SLC18A1: variants seen among roughly 807,000 people sequenced by gnomAD.
SLC18A1 encodes the protein chromaffin granule amine transporter.
In SLC18A1, 69 loss-of-function variants were observed where a neutral mutation model predicts 53.7. The ratio of observed to expected loss-of-function variants is 1.28; its 90% confidence interval spans 1.06 to 1.57. The LOEUF is 1.57. SLC18A1 is among the 40% of genes most tolerant of loss of function. The pLI is 0.00. For synonymous variants in SLC18A1, 320 were observed against 248.1 expected (o/e 1.29, Z -2.72); for missense variants, 932 against 668.1 (o/e 1.40, Z -4.35).
intron 5 of SLC18A1, among the ~76,000 whole-genome samples, chr8:20,173,640 A>G (rs763848664): frequency 1.3e-5 from 2 of 152,238 alleles, no homozygotes; most frequent in Non-Finnish European, 2.9e-5. Flanking sequence ...ATAAGATTGC[A>G]TTAGATATTA....
At position 20,144,991 on chromosome 8, in the gene SLC18A1, A is replaced by T. The variant is rs1014674926; in HGVS notation, c.*772T>A. ...TTCCCATGAAATCTTGGGTCTAATC[A>T]GTTATTTTTTCTGTCTTTCTTCTAC... is the stretch of plus-strand genomic sequence containing the variant. On this transcript the variant is annotated 3_prime_UTR_variant, in exon 16 of 16. Transcript: ENST00000276373. The T allele has an allele frequency of 6.6e-6, 1 of 152,130 alleles. No homozygotes were observed. Among genetic ancestry groups the T allele is most frequent in the Non-Finnish European group, 1.5e-5 (1 of 68,032 alleles). 9.4% of individuals were successfully genotyped at this position (152,130 alleles called of 1,614,324 possible).
intron 8 of SLC18A1, among the ~76,000 whole-genome samples, chr8:20,166,612 C>T (rs1006744176): frequency 6.6e-6 from 1 of 151,504 alleles, no homozygotes; most frequent in South Asian, 2.1e-4. Flanking sequence ...GGGATTGACA[C>T]TTTCTGAGTA....
At chr8:20,171,686 G>GTA (rs2072121703) in intron 6 of SLC18A1, among the ~76,000 whole-genome samples, 192 bp from the exon 7 acceptor site, 1 of 144,154 alleles carries the variant, frequency 6.9e-6, no homozygotes, top group African/African-American at 2.6e-5. Context: ...GAGGAAGTGT[G>GTA]TGTGTGTGTG....
In SLC18A1 at chr8:20,150,669, C is replaced by T. The variant is rs749196158; in HGVS notation, c.1091G>A (p.Gly364Asp). The change falls in exon 11 of 16, where the codon GGT (glycine) becomes GAT (aspartate). Residue 364 changes from glycine to aspartate, a missense_variant. Transcript: ENST00000276373. The part of the protein sequence containing the change: ...NLFGVLANKM[G>D]RWLCSLIGML... ...CCCAGATCCCGAGGCTACATACCGACCCATCTTGTTGGCCAACACACCAAA... is the reference window on the plus strand; with the variant it reads ...CCCAGATCCCGAGGCTACATACCGATCCATCTTGTTGGCCAACACACCAAA... The T allele has an allele frequency of 1.2e-6, 2 of 1,613,974 alleles. No homozygotes were observed. Among genetic ancestry groups the T allele is most frequent in the East Asian group, 2.2e-5 (1 of 44,878 alleles).
intron 10 of SLC18A1, among the ~76,000 whole-genome samples, chr8:20,162,516 G>A (rs1203765865): frequency 1.3e-5 from 2 of 152,118 alleles, no homozygotes; most frequent in African/African-American, 4.8e-5. Context: ...AGTTAAAACA[G>A]CCACAAAGCA....
At chr8:20,155,766 C>T (rs1198176949) in intron 10 of SLC18A1, among the ~76,000 whole-genome samples, 9 of 151,856 alleles carry the variant, frequency 5.9e-5, no homozygotes, top group Admixed American at 1.3e-4. Flanking sequence ...GTTGTATCTC[C>T]AAAGGGGATC....
At chr8:20,147,200 G>C in intron 15 of SLC18A1, 58 bp downstream of exon 15, 1 of 1,546,270 alleles carries the variant, frequency 6.5e-7, no homozygotes, top group Non-Finnish European at 8.7e-7. Context: ...AAGGGAATGA[G>C]AGAGATGATG....
intron 13 of SLC18A1, 40 bp downstream of exon 13, chr8:20,147,967 C>G (rs1345750332): frequency 1.2e-6 from 2 of 1,603,712 alleles, no homozygotes; most frequent in Non-Finnish European, 1.7e-6. Flanking sequence ...CCAAAGCCAA[C>G]ATGCAGGGGC....
At chr8:20,151,439 A>G (rs1012596262) in intron 10 of SLC18A1, among the ~76,000 whole-genome samples, 2 of 152,146 alleles carry the variant, frequency 1.3e-5, no homozygotes, top group African/African-American at 4.8e-5. Context: ...ATACCCATAC[A>G]TAATTCCTGG....
Position 20,156,918 on chromosome 8 carries a change from A to T in SLC18A1, c.1016-6174T>A, listed in dbSNP as rs116920817. Among the ~76,000 whole-genome samples the T allele has an allele frequency of 9.5e-4, 145 of 152,342 alleles. 4 individuals carry two copies. The East Asian group carries it at 0.027, about 28-fold the overall frequency. ...ATGGGGCAACTGGGTTGCGCAGCCC[A>T]GCTCAAGAACTCACCCCTGATCGCA... On this transcript the variant is annotated intron_variant, in intron 10 of 15. Transcript: ENST00000276373.
At chr8:20,179,785 G>A (rs1304721475) in intron 2 of SLC18A1, among the ~76,000 whole-genome samples, 2 of 152,164 alleles carry the variant, frequency 1.3e-5, no homozygotes, top group African/African-American at 4.8e-5. Context: ...AGTCCTCATT[G>A]TTCATGGTTT....
In SLC18A1 at chr8:20,173,115, C is replaced by T; in HGVS notation, c.645G>A (p.Leu215=). Residue 215 remains leucine (L), a synonymous_variant, in exon 6 of 16, where the codon CTG becomes CTA. Coordinates refer to ENST00000276373, the MANE Select transcript of SLC18A1 (RefSeq NM_003053.4). The part of the protein sequence containing the change: ...SFSSVAGLGM[L]ASVYTDDHER... ...CATGGTCATCAGTGTAGACACTGGC[C>T]AGCATTCCAAGACCTGCGCAGAGAG... 2 of 1,574,020 alleles carry T rather than the reference C, an allele frequency of 1.3e-6. No homozygotes were observed. The highest frequency in any genetic ancestry group is 1.2e-5 in the South Asian group (1 of 85,732).
At position 20,172,116 on chromosome 8, in the gene SLC18A1, G is replaced by A. The variant is rs139629935; in HGVS notation, c.725-622C>T. Among the ~76,000 whole-genome samples the A allele has an allele frequency of 5.0e-3, 769 of 152,314 alleles. 9 individuals carry two copies. The highest frequency in any genetic ancestry group is 0.018 in the African/African-American group (745 of 41,564). On this transcript the variant is annotated intron_variant, in intron 6 of 15. Transcript: ENST00000276373. ...AAGATTGTTCAGGCAGCATCGTGGT[G>A]GAAGGAGGGAGTACACAAGAGGGAG...
intron 8 of SLC18A1, among the ~76,000 whole-genome samples, chr8:20,166,287 G>GTATATA (rs1235212014): frequency 1.3e-5 from 1 of 78,996 alleles, no homozygotes; most frequent in Admixed American, 1.3e-4. Context: ...GTGTGTGTGT[G>GTATATA]TCTATATATA....
chr8:20,153,235 A>G (rs2071603422), intron 10 of SLC18A1, among the ~76,000 whole-genome samples: 1 of 152,050 alleles, frequency 6.6e-6, no homozygotes, highest in South Asian at 2.1e-4. Context: ...TTGCAGCCCC[A>G]TGCCATGGCT....
intron 6 of SLC18A1, among the ~76,000 whole-genome samples, chr8:20,171,806 C>T (rs1313319386): frequency 3.3e-5 from 5 of 152,114 alleles, no homozygotes; most frequent in Admixed American, 3.3e-4. Flanking sequence ...GCAATGAAAG[C>T]ACAGTCAATG....
chr8:20,150,833 G>T, intron 10 of SLC18A1, 89 bp from the exon 11 acceptor site: 1 of 1,190,138 alleles, frequency 8.4e-7, no homozygotes, highest in African/African-American at 1.5e-5. Context: ...GTCCACCCCT[G>T]TAACCTTCCA....
chr8:20,149,685 G>A lies in SLC18A1; in HGVS notation c.1137C>T (p.Ser379=). The A allele has an allele frequency of 6.2e-7, 1 of 1,612,252 alleles. No homozygotes were observed. Residue 379 remains serine, a synonymous_variant, in exon 12 of 16, where the codon AGC becomes AGT. Coordinates refer to ENST00000276373, the MANE Select transcript of SLC18A1 (RefSeq NM_003053.4). ...SLIGMLVVGT[S]LLCVPLAHNI... is the part of the protein sequence containing the mutation. ...GTCTTCTTATACTTACACAGAGCAA[G>A]CTGGTACCTACTACCAGCATCCCGA...
chr8:20,154,032 G>T lies in SLC18A1; in HGVS notation c.1016-3288C>A, dbSNP rs564881079. The stretch of plus-strand genomic sequence containing the variant: ...TAATGAGTGACTTCTTGCTCTGTAA[G>T]TTCACACAAGAGCTGGTTGTTAAAA... On this transcript the variant is annotated intron_variant, in intron 10 of 15. Transcript: ENST00000276373. Among the ~76,000 whole-genome samples, 7 of 152,236 alleles carry T rather than the reference G, an allele frequency of 4.6e-5. No homozygotes were observed. In the East Asian group the frequency reaches 1.4e-3, roughly 29 times the overall value.
Sources: gnomAD v4.1 joint callset for allele counts (sites outside exome capture counted in the v4.1 genomes callset) on GRCh38, gnomAD v4.1.1 for gene constraint, MANE v1.5 for transcripts, NCBI Gene and HGNC (gene_info 2026-07-23, HGNC 2026-07-21) for gene names.